The following CORO1C variants were observed in gnomAD, a reference collection of about 807,000 sequenced individuals.
The protein encoded by CORO1C is coronin-1C.
Under a neutral mutation model 51.2 loss-of-function variants are expected in CORO1C, and 14 were observed. The ratio of observed to expected loss-of-function variants is 0.27; its 90% CI spans 0.18 to 0.43. The LOEUF is 0.43. CORO1C is among the 20% of genes least tolerant of loss of function. The probability of loss-of-function intolerance (pLI) is 1.00; values close to 1 mark genes in which losing one functional copy is unlikely to be tolerated. For missense variants in CORO1C, 417 were observed against 607.8 expected (o/e 0.69, Z 3.30); for synonymous variants, 181 against 210.5 (o/e 0.86, Z 1.21).
At chr12:108,678,451 A>C in intron 2 of CORO1C, 57 bp from the exon 3 acceptor site, 1 of 1,381,712 alleles carries the variant, frequency 7.2e-7, no homozygotes, top group Non-Finnish European at 9.6e-7. Flanking sequence ...GACGTTATAC[A>C]TTTTCTCAGG....
intron 2 of CORO1C, among the ~76,000 whole-genome samples, chr12:108,693,149 G>A (rs2034557292): frequency 6.6e-6 from 1 of 151,888 alleles, no homozygotes; most frequent in South Asian, 2.1e-4. Context: ...TTCACACTCA[G>A]TAGAAAAAAA....
chr12:108,709,866 A>C (rs1365949525), intron 1 of CORO1C, among the ~76,000 whole-genome samples: 1 of 152,234 alleles, frequency 6.6e-6, no homozygotes, highest in African/African-American at 2.4e-5. Flanking sequence ...TCTTTCAAGT[A>C]CAAGTTCTTA....
At chr12:108,719,316 A>C (rs2035418620) in intron 1 of CORO1C, among the ~76,000 whole-genome samples, 1 of 152,208 alleles carries the variant, frequency 6.6e-6, no homozygotes, top group African/African-American at 2.4e-5. Context: ...CCCTCAAAAA[A>C]CTACCAGAAA....
intron 10 of CORO1C, 151 bp downstream of exon 10, chr12:108,648,454 C>T (rs2032479125): frequency 8.6e-6 from 9 of 1,041,398 alleles, no homozygotes; most frequent in East Asian, 2.4e-5. Context: ...ACCACCATCA[C>T]GTGACCGAGG....
At chr12:108,715,573 G>A (rs1279149905) in intron 1 of CORO1C, among the ~76,000 whole-genome samples, 1 of 152,004 alleles carries the variant, frequency 6.6e-6, no homozygotes, top group Non-Finnish European at 1.5e-5. Context: ...CTTTGAAAAA[G>A]CATTGCTGAA....
chr12:108,700,918 C>T, intron 2 of CORO1C: 1 of 588,126 alleles, frequency 1.7e-6, no homozygotes, highest in Non-Finnish European at 3.0e-6. Context: ...AGAGGGCATC[C>T]CCAGAACAGA....
intron 1 of CORO1C, among the ~76,000 whole-genome samples, chr12:108,726,426 CAAA>C (rs1264132577): frequency 1.1e-5 from 1 of 92,986 alleles, no homozygotes; most frequent in East Asian, 3.0e-4. Flanking sequence ...GACTCTGTCT[CAAA>C]AAAAAAAAAA....
At chr12:108,712,813 C>G (rs572810346) in intron 1 of CORO1C, among the ~76,000 whole-genome samples, 39 of 150,556 alleles carry the variant, frequency 2.6e-4, no homozygotes, top group African/African-American at 9.0e-4. Context: ...GAGGCACTGT[C>G]TCTAAGAAGG....
rs1232416605 is a variant in CORO1C at position 108,647,319 on chromosome 12, G to A, written c.*84C>T. On this transcript the variant is annotated 3_prime_UTR_variant, in exon 11 of 11. Transcript: ENST00000261401. ...TCCAAATGGCAGTGCCTCCCTTTCCGCCCTCCCTAGGACCACACCAATAAC... is the reference window on the plus strand; with the variant it reads ...TCCAAATGGCAGTGCCTCCCTTTCCACCCTCCCTAGGACCACACCAATAAC... 1.1e-5 allele frequency: 14 copies of A among 1,304,126 alleles called. No homozygotes were observed. The Admixed American group carries it at 2.2e-4, about 20-fold the overall frequency. The allele number at this position is 1,304,126 out of a possible 1,614,324, so 80.8% of individuals were successfully genotyped here.
intron 3 of CORO1C, among the ~76,000 whole-genome samples, chr12:108,677,409 C>T (rs1449422728): frequency 6.6e-6 from 1 of 152,202 alleles, no homozygotes; most frequent in East Asian, 1.9e-4. Context: ...CTTAATTCAC[C>T]TTTCACGTTT....
In CORO1C at chr12:108,721,777, G is replaced by A. The variant is rs1004723968; in HGVS notation, c.-6+9652C>T. The stretch of plus-strand genomic sequence containing the variant: ...AAAAGAATAGAAAAATAGACAGGAC[G>A]AGTGCCCAGCTCTGGCCATTATAAG... On this transcript the variant is annotated intron_variant, in intron 1 of 10. Coordinates refer to ENST00000261401, the MANE Select transcript of CORO1C (RefSeq NM_014325.4). Among the ~76,000 whole-genome samples, 4 of 150,262 alleles carry A rather than the reference G, an allele frequency of 2.7e-5. No homozygotes were observed. The South Asian group carries it at 6.2e-4, about 23-fold the overall frequency.
At chr12:108,649,105 T>C in intron 8 of CORO1C, 85 bp from the exon 9 acceptor site, 2 of 1,479,778 alleles carry the variant, frequency 1.4e-6, no homozygotes, top group Admixed American at 1.8e-5. Flanking sequence ...TCTACAATGC[T>C]GTCTGAAATG....
chr12:108,669,734 T>TA (rs1440441076), intron 3 of CORO1C, among the ~76,000 whole-genome samples: 1 of 150,452 alleles, frequency 6.6e-6, no homozygotes, highest in Non-Finnish European at 1.5e-5. Context: ...ATTTGATCTA[T>TA]AATACAGTGT....
chr12:108,718,664 A>G (rs2035401579), intron 1 of CORO1C, among the ~76,000 whole-genome samples: 1 of 152,224 alleles, frequency 6.6e-6, no homozygotes, highest in African/African-American at 2.4e-5. Context: ...TAGCGCTTAC[A>G]ATCTTACTGC....
At chr12:108,680,804 G>C in intron 2 of CORO1C, among the ~76,000 whole-genome samples, 1 of 152,166 alleles carries the variant, frequency 6.6e-6, no homozygotes, top group East Asian at 1.9e-4. Context: ...TCTAAGCCAC[G>C]TGGTTTTGCT....
chr12:108,702,775 A>T, intron 1 of CORO1C: 2 of 1,491,560 alleles, frequency 1.3e-6, no homozygotes, highest in Non-Finnish European at 1.8e-6. Context: ...AGACGAATTT[A>T]TTTTTGCCAG....
chr12:108,722,571 C>T (rs1193699023), intron 1 of CORO1C, among the ~76,000 whole-genome samples: 1 of 152,234 alleles, frequency 6.6e-6, no homozygotes, highest in Non-Finnish European at 1.5e-5. Flanking sequence ...GTGAATTAAA[C>T]AGATTCCTTC....
rs181631210 is a variant in CORO1C, at chr12:108,677,906, T to A, written c.318+366A>T. On this transcript the variant is annotated intron_variant, in intron 3 of 10. Transcript: ENST00000261401. The stretch of plus-strand genomic sequence containing the variant: ...TGGTAGCAGATGCCTGTAATCCCAA[T>A]TACTCGGGAGGCTGAGGCAGGAGAA... Among the ~76,000 whole-genome samples the A allele has an allele frequency of 2.6e-5, 4 of 151,658 alleles. No individual in the cohort carries two copies. In the East Asian group the frequency reaches 7.8e-4, roughly 29 times the overall value.
intron 6 of CORO1C, among the ~76,000 whole-genome samples, chr12:108,656,044 AGG>A (rs2032963740): frequency 6.8e-6 from 1 of 146,300 alleles, no homozygotes; most frequent in African/African-American, 2.6e-5. Context: ...CCCGTCTGGG[AGG>A]TTAGGAGCGT....
Sources: gnomAD v4.1 joint callset for allele counts (sites outside exome capture counted in the v4.1 genomes callset) on GRCh38, gnomAD v4.1.1 for gene constraint, MANE v1.5 for transcripts, NCBI Gene and HGNC (gene_info 2026-07-23, HGNC 2026-07-21) for gene names.